MDM4: variants seen among roughly 807,000 people sequenced by gnomAD.
The protein encoded by MDM4 is protein Mdm4.
Under a neutral mutation model 60.2 loss-of-function variants are expected in MDM4, and 2 were observed. The ratio of observed to expected loss-of-function variants is 0.03; its 90% CI spans 0.01 to 0.10. MDM4 has a LOEUF of 0.10. Ranked by LOEUF, MDM4 falls within the 10% of genes least tolerant of loss-of-function variation. The probability of loss-of-function intolerance (pLI) is 1.00; values close to 1 mark genes in which losing one functional copy is unlikely to be tolerated. For synonymous variants in MDM4, 202 were observed against 198.1 expected, an observed-to-expected ratio of 1.02 and a Z score of -0.17; for missense variants, 447 against 577.5, an observed-to-expected ratio of 0.77 and a Z score of 2.32.
rs998327488 is a variant in MDM4, at chr1:204,529,506, G to A, written c.154-1178G>A. 5.9e-6 allele frequency: 9 copies of A among 1,517,042 alleles called. No homozygotes were observed. In the African/African-American group the frequency reaches 1.2e-4, roughly 21 times the overall value. The allele number at this position is 1,517,042 out of a possible 1,614,324, so 94.0% of individuals were successfully genotyped here. On this transcript the variant is annotated intron_variant, in intron 3 of 10. Coordinates refer to ENST00000367182, the MANE Select transcript of MDM4 (RefSeq NM_002393.5). The stretch of plus-strand genomic sequence containing the variant: ...CATCCCAGGATTGAGGTGTCCATAG[G>A]GCCCTCTACCAGCTGGTGGTCCATA...
At chr1:204,542,025 G>A (rs1019597043) in intron 7 of MDM4, among the ~76,000 whole-genome samples, 2 of 152,196 alleles carry the variant, frequency 1.3e-5, no homozygotes, top group Admixed American at 6.5e-5. Context: ...GATAACAACA[G>A]ACTTATGTTA....
chr1:204,549,501 A>G lies in MDM4; in HGVS notation c.1292A>G (p.Gln431Arg), dbSNP rs777864820. The change falls in exon 11 of 11, where the codon CAG (glutamine) becomes CGG (arginine). Residue 431 changes from glutamine to arginine, a missense_variant. Around this residue, in one of 8 missense-constraint regions of MDM4, gnomAD observed 117 missense variants for 114.5 expected, o/e 1.02. Coordinates refer to ENST00000367182, the MANE Select transcript of MDM4 (RefSeq NM_002393.5). Reference protein sequence around the residue: ...RTDTENMEDCQNLLKPCSLCE... With the variant: ...RTDTENMEDCRNLLKPCSLCE... ...GATACAGAAAACATGGAGGATTGCC[A>G]GAATCTCTTGAAGCCATGTAGCTTA... The G allele has an allele frequency of 7.4e-6, 12 of 1,610,810 alleles. No homozygotes were observed. Among genetic ancestry groups the G allele is most frequent in the Non-Finnish European group, 3.4e-6 (4 of 1,179,162 alleles).
chr1:204,537,388 A>T, intron 5 of MDM4, 42 bp from the exon 6 acceptor site: 1 of 1,503,100 alleles, frequency 6.7e-7, no homozygotes, highest in Non-Finnish European at 9.3e-7. Context: ...AAGAATGGTT[A>T]TTACCAGGGA....
Position 204,544,629 on chromosome 1 carries a change from A to G in MDM4, c.767A>G (p.Glu256Gly). Reference sequence around the variant, plus strand: ...CAGTTAGGTGTTGGAATAAAAGTTGAAGCTGCTGATACTGAACAAACAAGT... The same window carrying G: ...CAGTTAGGTGTTGGAATAAAAGTTGGAGCTGCTGATACTGAACAAACAAGT... ...SEQLGVGIKV[E>G]AADTEQTSEE... Residue 256 changes from glutamate to glycine, a missense_variant, in exon 9 of 11, where the codon GAA becomes GGA. Coordinates refer to ENST00000367182, the MANE Select transcript of MDM4 (RefSeq NM_002393.5). 2 of 1,613,926 alleles carry G rather than the reference A, an allele frequency of 1.2e-6. No homozygotes were observed.
Position 204,555,926 on chromosome 1 carries a change from G to GA in MDM4, c.*6244_*6245insA, listed in dbSNP as rs1558346431. The GA allele has an allele frequency of 5.4e-6, 1 of 186,576 alleles. No homozygotes were observed. The highest frequency in any genetic ancestry group is 1.1e-5 in the Non-Finnish European group (1 of 89,508). 11.6% of individuals were successfully genotyped at this position (186,576 alleles called of 1,614,324 possible). A position where few individuals can be genotyped will look rare whatever the true frequency, so the allele number is the denominator to read the frequency against. ...CCCTAATTTCTTATCTGAAGGCACT[G>GA]TTTTTTTTTTTAAACAGTTAAGTAC... On this transcript the variant is annotated 3_prime_UTR_variant, in exon 11 of 11. Transcript: ENST00000367182.
chr1:204,554,710 C>G lies in MDM4; in HGVS notation c.*5028C>G, dbSNP rs960233661. 4.4e-6 allele frequency: 1 copy of G among 227,550 alleles called. No homozygotes were observed. The highest frequency in any genetic ancestry group is 8.7e-6 in the Non-Finnish European group (1 of 114,560). 14.1% of individuals were successfully genotyped at this position (227,550 alleles called of 1,614,324 possible). A position where few individuals can be genotyped will look rare whatever the true frequency, so the allele number is the denominator to read the frequency against. On this transcript the variant is annotated 3_prime_UTR_variant, in exon 11 of 11. Coordinates refer to ENST00000367182, the MANE Select transcript of MDM4 (RefSeq NM_002393.5). The stretch of plus-strand genomic sequence containing the variant: ...ATAGTGGCTAATGTGGCTCCCCAGG[C>G]CTAATTTGGGAACAGTTTTTCCTGA...
At chr1:204,533,782 CTT>C (rs59912938) in intron 5 of MDM4, among the ~76,000 whole-genome samples, 10 of 139,208 alleles carry the variant, frequency 7.2e-5, no homozygotes, top group Admixed American at 7.2e-5. Context: ...TTTTCTTTTT[CTT>C]TTTTTTTTTT....
chr1:204,529,225 A>G, intron 3 of MDM4: 2 of 731,862 alleles, frequency 2.7e-6, no homozygotes, highest in Non-Finnish European at 4.9e-6. Flanking sequence ...GTTTATCATC[A>G]TGAGGCAGGT....
intron 1 of MDM4, chr1:204,525,263 A>T: frequency 1.1e-6 from 1 of 906,596 alleles, no homozygotes; most frequent in Middle Eastern, 5.6e-4. Context: ...TTCAGCCTTC[A>T]CCTGAGAGAA....
At position 204,554,590 on chromosome 1, in the gene MDM4, G is replaced by A. The variant is rs1663424518; in HGVS notation, c.*4908G>A. The A allele has an allele frequency of 4.4e-6, 1 of 226,476 alleles. No homozygotes were observed. The highest frequency in any genetic ancestry group is 1.8e-4 in the South Asian group (1 of 5,470). The allele number at this position is 226,476 out of a possible 1,614,324, so 14.0% of individuals were successfully genotyped here. On this transcript the variant is annotated 3_prime_UTR_variant, in exon 11 of 11. Coordinates refer to ENST00000367182, the MANE Select transcript of MDM4 (RefSeq NM_002393.5). The stretch of plus-strand genomic sequence containing the variant: ...AGGGAATGTTAAGGTTACTTGGCTG[G>A]AATTTATCAGACTTGTGAGTAAACA...
intron 8 of MDM4, among the ~76,000 whole-genome samples, chr1:204,544,157 A>G (rs1413407512): frequency 1.3e-5 from 2 of 152,238 alleles, no homozygotes; most frequent in Admixed American, 6.5e-5. Flanking sequence ...GGGAAAGAAT[A>G]TGTCAGAACT....
intron 10 of MDM4, among the ~76,000 whole-genome samples, 160 bp from the exon 11 acceptor site, chr1:204,548,953 G>T (rs895811507): frequency 6.6e-6 from 1 of 152,142 alleles, no homozygotes; most frequent in Non-Finnish European, 1.5e-5. Context: ...ACCTTCCAAA[G>T]ACTTTCCTTC....
intron 10 of MDM4, 130 bp downstream of exon 10, chr1:204,547,007 T>C (rs1662731385): frequency 7.8e-6 from 4 of 510,770 alleles, no homozygotes; most frequent in Non-Finnish European, 1.4e-5. Context: ...TGCTAAGTGA[T>C]GTTGGTTTCT....
rs184952927 is a variant in MDM4 at position 204,547,169 on chromosome 1, A to G, written c.903+292A>G. ...CTCTCTGGAGACACAAAGTTATTCA[A>G]AATAGTCTTGCACTGCTTTCCCTGA... On this transcript the variant is annotated intron_variant, in intron 10 of 10. Transcript: ENST00000367182. Among the ~76,000 whole-genome samples the G allele has an allele frequency of 4.4e-3, 664 of 152,276 alleles. 8 individuals carry two copies. Among genetic ancestry groups the G allele is most frequent in the Non-Finnish European group, 4.8e-3 (325 of 68,026 alleles).
At chr1:204,534,496 TTTG>T (rs1380458072) in intron 5 of MDM4, among the ~76,000 whole-genome samples, 5 of 152,168 alleles carry the variant, frequency 3.3e-5, no homozygotes, top group Admixed American at 1.3e-4. Flanking sequence ...TTGGTTTTGT[TTTG>T]TTTTGTTTGA....
rs967596010 is a variant in MDM4, at chr1:204,555,579, A to G, written c.*5897A>G. On this transcript the variant is annotated 3_prime_UTR_variant, in exon 11 of 11. Transcript: ENST00000367182. Reference sequence around the variant, plus strand: ...GGCAAATGCTTTATCGAAGATTGATATTAGGCTAGGGGCGGTGGCTTACGC... The same window carrying G: ...GGCAAATGCTTTATCGAAGATTGATGTTAGGCTAGGGGCGGTGGCTTACGC... 2 of 168,080 alleles carry G rather than the reference A, an allele frequency of 1.2e-5. No homozygotes were observed. The highest frequency in any genetic ancestry group is 2.4e-5 in the African/African-American group (1 of 41,848). 10.4% of individuals were successfully genotyped at this position (168,080 alleles called of 1,614,324 possible).
At position 204,530,619 on chromosome 1, in the gene MDM4, T is replaced by C; in HGVS notation, c.154-65T>C. On this transcript the variant is annotated intron_variant, in intron 3 of 10. Coordinates refer to ENST00000367182, the MANE Select transcript of MDM4 (RefSeq NM_002393.5). ...TAGCAAACTAACTTACCTTACCTCC[T>C]CTAATGAATTTGTGTTTTTGGTAGC... 6 of 1,592,826 alleles carry C rather than the reference T, an allele frequency of 3.8e-6. No homozygotes were observed. The South Asian group carries it at 4.5e-5, about 12-fold the overall frequency.
intron 9 of MDM4, 137 bp downstream of exon 9, chr1:204,544,821 T>G (rs1662488820): frequency 1.2e-6 from 1 of 868,656 alleles, no homozygotes. Context: ...TTCAATCCAA[T>G]TTTAAGATTC....
At chr1:204,538,339 T>C (rs1169857463) in intron 7 of MDM4, 31 bp downstream of exon 7, 2 of 1,168,630 alleles carry the variant, frequency 1.7e-6, no homozygotes, top group Non-Finnish European at 2.5e-6. Flanking sequence ...ATATAGACTT[T>C]TGTTCTCTTC....
Sources: gnomAD v4.1 joint callset for allele counts (sites outside exome capture counted in the v4.1 genomes callset) on GRCh38, gnomAD v4.1.1 for gene constraint, gnomAD v4.1.1 regional missense constraint, MANE v1.5 for transcripts, NCBI Gene and HGNC (gene_info 2026-07-23, HGNC 2026-07-21) for gene names.